VRK2: variants seen among roughly 807,000 people sequenced by gnomAD.
VRK2 encodes serine/threonine-protein kinase VRK2.
VRK2 carries 60 observed loss-of-function variants against 57.6 expected under a neutral mutation model. The observed-to-expected ratio is 1.04, with a 90% CI of 0.85 to 1.29. The LOEUF (loss-of-function observed/expected upper bound fraction) is 1.29. VRK2 is among the 50% of genes most tolerant of loss of function. The pLI is 0.00. For missense variants in VRK2, 705 were observed against 588.1 expected (o/e 1.20, Z -2.06); for synonymous variants, 231 against 199.2 (o/e 1.16, Z -1.35).
chr2:58,090,545 A>G (rs901720266), intron 7 of VRK2, among the ~76,000 whole-genome samples: 2 of 152,188 alleles, frequency 1.3e-5, no homozygotes, highest in African/African-American at 4.8e-5. Context: ...TACAGTACCA[A>G]CTGCTGATGA....
chr2:58,109,481 G>A (rs1027285735), intron 7 of VRK2, among the ~76,000 whole-genome samples: 1 of 152,108 alleles, frequency 6.6e-6, no homozygotes, highest in Non-Finnish European at 1.5e-5. Flanking sequence ...AAGAAAAGAG[G>A]TTTAATTGAC....
chr2:58,156,890 C>T (rs1281376885), intron 12 of VRK2, among the ~76,000 whole-genome samples: 1 of 152,134 alleles, frequency 6.6e-6, no homozygotes, highest in Non-Finnish European at 1.5e-5. Context: ...TTTCCTGCAT[C>T]TCATTTGTAG....
chr2:57,913,503 A>C (rs892546605), intron 1 of VRK2, among the ~76,000 whole-genome samples: 1 of 152,142 alleles, frequency 6.6e-6, no homozygotes, highest in Non-Finnish European at 1.5e-5. Context: ...TTATCTGCCA[A>C]CTAAATTACA....
rs201232703 is a variant in VRK2, at chr2:58,088,403, G to T, written c.407G>T (p.Gly136Val). The T allele has an allele frequency of 1.2e-5, 20 of 1,613,476 alleles. No individual in the cohort carries two copies. The East Asian group carries it at 4.5e-4, about 36-fold the overall frequency. The change falls in exon 6 of 13, where the codon GGT becomes GTT. Residue 136 changes from glycine to valine, a missense_variant. Physicochemically the swap from Gly to Val is moderately radical, Grantham distance 109. Transcript: ENST00000340157. ...TTACAGAAGATCTCAGGCCAGAATG[G>T]TACCTTTAAAAAGTCAACTGTCCTG... ...IDLQKISGQNGTFKKSTVLQL... is the reference protein window; with the variant it reads ...IDLQKISGQNVTFKKSTVLQL...
At chr2:58,057,511 A>G (rs1676703449) in intron 2 of VRK2, among the ~76,000 whole-genome samples, 2 of 152,100 alleles carry the variant, frequency 1.3e-5, no homozygotes, top group Admixed American at 6.6e-5. Context: ...TTCTCTTTCT[A>G]ATAAAACAGT....
chr2:58,047,048 TTTTTCCCCGCTGGGAGTGAGAACA>T, intron 1 of VRK2, 180 bp downstream of exon 1: 5 of 911,462 alleles, frequency 5.5e-6, no homozygotes, highest in Non-Finnish European at 6.6e-6. Context: ...GTTTGGTTCT[TTTTTCCCCGCTGGGAGTGAGAACA>T]AGGCGTCCCC....
At chr2:57,953,045 T>A (rs553096167) in intron 1 of VRK2, among the ~76,000 whole-genome samples, 1 of 152,210 alleles carries the variant, frequency 6.6e-6, no homozygotes, top group African/African-American at 2.4e-5. Context: ...ATGCAAATTA[T>A]AGCCAAGCAG....
At chr2:58,138,124 T>C (rs1005489742) in intron 10 of VRK2, among the ~76,000 whole-genome samples, 4 of 152,218 alleles carry the variant, frequency 2.6e-5, no homozygotes, top group Admixed American at 2.0e-4. Flanking sequence ...TTCCTCATTT[T>C]GGATATTCTG....
At chr2:58,040,637 A>C (rs1352002405) in intron 3 of VRK2, among the ~76,000 whole-genome samples, 1 of 152,216 alleles carries the variant, frequency 6.6e-6, no homozygotes, top group African/African-American at 2.4e-5. Flanking sequence ...ATCCAGGTCC[A>C]TTTTGATGCC....
At chr2:58,109,706 C>T (rs1357132310) in intron 7 of VRK2, among the ~76,000 whole-genome samples, 4 of 152,134 alleles carry the variant, frequency 2.6e-5, no homozygotes, top group African/African-American at 9.7e-5. Flanking sequence ...TCCCAGGGGT[C>T]CTTCCCTCAA....
At chr2:58,006,969 C>T (rs1673266911) in intron 1 of VRK2, among the ~76,000 whole-genome samples, 1 of 152,028 alleles carries the variant, frequency 6.6e-6, no homozygotes, top group East Asian at 1.9e-4. Context: ...GCTGGGTCCC[C>T]TTGAGGAAGG....
intron 1 of VRK2, among the ~76,000 whole-genome samples, chr2:57,944,356 G>T (rs1268294147): frequency 6.6e-6 from 1 of 152,230 alleles, no homozygotes; most frequent in Non-Finnish European, 1.5e-5. Context: ...ATTTAAGAGA[G>T]CACTTTAGCT....
chr2:58,144,319 G>A (rs1405923241), intron 11 of VRK2, among the ~76,000 whole-genome samples: 1 of 151,966 alleles, frequency 6.6e-6, no homozygotes, highest in East Asian at 1.9e-4. Flanking sequence ...GGGATCTGAT[G>A]TACAGCATGG....
chr2:57,999,891 C>A (rs1025836671), intron 1 of VRK2, among the ~76,000 whole-genome samples: 36 of 152,006 alleles, frequency 2.4e-4, no homozygotes, highest in African/African-American at 8.7e-4. Flanking sequence ...GCCTATAATC[C>A]CAGCATTTTG....
intron 1 of VRK2, among the ~76,000 whole-genome samples, chr2:57,921,990 T>C (rs970946601): frequency 2.6e-5 from 4 of 152,070 alleles, no homozygotes; most frequent in African/African-American, 9.7e-5. Flanking sequence ...CGTTATTTGC[T>C]CAGCCTCTAG....
upstream of VRK2, among the ~76,000 whole-genome samples, chr2:58,043,245 T>C (rs114724623): frequency 5.3e-3 from 811 of 152,266 alleles, 12 homozygotes; most frequent in African/African-American, 0.019. Context: ...TCAGGATTAG[T>C]TGAATTAGTA....
chr2:57,973,029 T>G (rs140626117), intron 1 of VRK2, among the ~76,000 whole-genome samples: 19 of 152,050 alleles, frequency 1.2e-4, no homozygotes, highest in African/African-American at 4.1e-4. Context: ...ATCTTTGGAA[T>G]AGATTCCTAG....
At chr2:58,039,813 T>A (rs1229480335) in intron 3 of VRK2, among the ~76,000 whole-genome samples, 2 of 152,130 alleles carry the variant, frequency 1.3e-5, no homozygotes, top group Admixed American at 6.5e-5. Context: ...AGAGTATTTT[T>A]AAAAATTTTT....
chr2:58,040,015 A>T (rs72951021), intron 3 of VRK2, among the ~76,000 whole-genome samples: 3,123 of 151,984 alleles, frequency 0.021, 124 homozygotes, highest in African/African-American at 0.072. Context: ...CCAGGCTCCC[A>T]ATCCTCCCAC....
Sources: gnomAD v4.1 joint callset for allele counts (sites outside exome capture counted in the v4.1 genomes callset) on GRCh38, gnomAD v4.1.1 for gene constraint, MANE v1.5 for transcripts, NCBI Gene and HGNC (gene_info 2026-07-23, HGNC 2026-07-21) for gene names.